The following ERCC5 variants were observed in gnomAD, a reference collection of about 807,000 sequenced individuals.
ERCC5 encodes ERCC excision repair 5, endonuclease.
In ERCC5, 68 loss-of-function variants were observed where a neutral mutation model predicts 105.6. The ratio of observed to expected loss-of-function variants is 0.64; its 90% confidence interval spans 0.53 to 0.79. The LOEUF is 0.79. Among genes scored for constraint, ERCC5 ranks in the 30% least tolerant of loss-of-function variants. The pLI, the probability that ERCC5 is intolerant of heterozygous loss-of-function variation, is 0.00. For synonymous variants in ERCC5, 546 were observed against 526.2 expected, an observed-to-expected ratio of 1.04 and a Z score of -0.51; for missense variants, 1,373 against 1,426.7, an observed-to-expected ratio of 0.96 and a Z score of 0.61.
rs1032114507 is a variant in ERCC5, at chr13:102,866,153, A to C, written c.2200-109A>C. ...TAGACATCCAGTGGAGTACTTCCTA[A>C]GGAGAAAGAGCTTATTGGTAATTTC... is the stretch of plus-strand genomic sequence containing the variant. On this transcript the variant is annotated intron_variant, in intron 9 of 14. Transcript: ENST00000652225. The C allele has an allele frequency of 4.7e-5, 72 of 1,541,836 alleles. 3 individuals are homozygous for C. The South Asian group carries it at 7.9e-4, about 17-fold the overall frequency.
intron 8 of ERCC5, among the ~76,000 whole-genome samples, chr13:102,864,126 C>CCACACACACACACA (rs10647676): frequency 0.018 from 2,485 of 140,914 alleles, 50 homozygotes; most frequent in East Asian, 0.047. Context: ...AGAGAATCAA[C>CCACACACACACACA]CACACACACA....
At position 102,873,319 on chromosome 13, in the gene ERCC5, A is replaced by G. The variant is rs755540602; in HGVS notation, c.2940A>G (p.Val980=). The G allele has an allele frequency of 6.2e-7, 1 of 1,614,132 alleles. No homozygotes were observed. The highest frequency in any genetic ancestry group is 1.1e-5 in the South Asian group (1 of 91,080). ...RTKTDESLFP[V]LKQLDAQQTQ... ...AGACAGATGAATCTCTGTTTCCTGT[A>G]TTAAAGCAACTCGATGCCCAGCAGG... Residue 980 remains valine, a synonymous_variant, in exon 14 of 15, where the codon GTA becomes GTG. Transcript: ENST00000652225.
Position 102,872,319 on chromosome 13 carries a change from G to T in ERCC5, c.2800G>T (p.Glu934Ter), listed in dbSNP as rs201274165. Residue 934 changes from glutamate (E) to a stop codon, truncating the protein, a stop_gained, in exon 13 of 15, where the codon GAG (glutamate) becomes TAG (stop). Transcript: ENST00000652225. LOFTEE classifies it high-confidence loss of function. ...TGGCTTTCCTAACCCAGCTGTTGCC[G>T]AGGCCTACCTCAAACCCGTGGTGGA... ...TPGFPNPAVAEAYLKPVVDDS... is the reference protein window; with the variant it reads ...TPGFPNPAVA 6.2e-7 allele frequency: 1 copy of T among 1,613,984 alleles called. No homozygotes were observed. Among genetic ancestry groups the T allele is most frequent in the East Asian group, 2.2e-5 (1 of 44,880 alleles).
At chr13:102,854,990 CT>C (rs1882357360) in intron 4 of ERCC5, among the ~76,000 whole-genome samples, 1 of 152,190 alleles carries the variant, frequency 6.6e-6, no homozygotes, top group Non-Finnish European at 1.5e-5. Flanking sequence ...CCACCTCTTC[CT>C]TTCCCAGGAG....
At chr13:102,869,788 CT>C (rs1398105362) in intron 12 of ERCC5, among the ~76,000 whole-genome samples, 1 of 152,200 alleles carries the variant, frequency 6.6e-6, no homozygotes, top group Non-Finnish European at 1.5e-5. Flanking sequence ...TAGTATCTGA[CT>C]TTTCCATTTG....
Position 102,862,216 on chromosome 13 carries a change from G to T in ERCC5, c.1067G>T (p.Ser356Ile). ...LAMQAALLGS[S>I]SEEELESENR... is the part of the protein sequence containing the mutation. ...ATGCAAGCTGCCCTGCTGGGAAGTAGCTCAGAAGAGGAGCTGGAGAGTGAA... is the reference window on the plus strand; with the variant it reads ...ATGCAAGCTGCCCTGCTGGGAAGTATCTCAGAAGAGGAGCTGGAGAGTGAA... Residue 356 changes from serine to isoleucine, a missense_variant, in exon 8 of 15, where the codon AGC (serine) becomes ATC (isoleucine). Around this residue, in one of 3 missense-constraint regions of ERCC5, gnomAD observed 1,004 missense variants for 1,059.7 expected, o/e 0.95. Coordinates refer to ENST00000652225, the MANE Select transcript of ERCC5 (RefSeq NM_000123.4). The T allele has an allele frequency of 6.2e-7, 1 of 1,614,174 alleles. No homozygotes were observed. The highest frequency in any genetic ancestry group is 8.5e-7 in the Non-Finnish European group (1 of 1,180,038).
chr13:102,858,806 G>A (rs1882518839), intron 6 of ERCC5: 4 of 434,206 alleles, frequency 9.2e-6, no homozygotes, highest in African/African-American at 4.0e-5. Flanking sequence ...TCTTAGGTTA[G>A]GTCATAAAAG....
At chr13:102,849,076 T>G (rs557966572) in intron 1 of ERCC5, 1 of 501,124 alleles carries the variant, frequency 2.0e-6, no homozygotes, top group Non-Finnish European at 4.0e-6. Flanking sequence ...AAGTAGAAAC[T>G]AATTTAATCC....
intron 12 of ERCC5, among the ~76,000 whole-genome samples, chr13:102,871,291 C>G (rs1883025086): frequency 6.6e-6 from 1 of 152,180 alleles, no homozygotes; most frequent in South Asian, 2.1e-4. Context: ...TCAGCCATGG[C>G]CGCCCTGCTC....
intron 5 of ERCC5, 90 bp from the exon 6 acceptor site, chr13:102,858,185 A>G (rs1882493863): frequency 1.3e-6 from 2 of 1,558,616 alleles, no homozygotes; most frequent in Non-Finnish European, 1.8e-6. Flanking sequence ...AACTGTGTTT[A>G]TTATATAAAC....
chr13:102,856,206 G>A (rs2140521197), intron 5 of ERCC5, 94 bp downstream of exon 5: 3 of 1,345,932 alleles, frequency 2.2e-6, no homozygotes, highest in Non-Finnish European at 3.2e-6. Context: ...AACTGTGAAA[G>A]TTCCTGATAA....
Position 102,862,609 on chromosome 13 carries a change from C to T in ERCC5, c.1460C>T (p.Pro487Leu), listed in dbSNP as rs560626350. The T allele has an allele frequency of 3.7e-5, 59 of 1,614,030 alleles. No individual in the cohort carries two copies. The highest frequency in any genetic ancestry group is 1.6e-4 in the East Asian group (7 of 44,870). Residue 487 changes from proline (P) to leucine (L), a missense_variant, in exon 8 of 15, where the codon CCG (proline) becomes CTG (leucine). By Grantham distance (98) the Pro-to-Leu change is moderately conservative (BLOSUM62 -3). Transcript: ENST00000652225. ...GTTCACGTGGGGACTGAAGCCTTTC[C>T]GATAAGTGATGAGTCTATGATTAAG... ...SLVHVGTEAF[P>L]ISDESMIKDR...
chr13:102,846,468 C>T (rs1291902177), intron 1 of ERCC5, 114 bp downstream of exon 1: 3 of 910,584 alleles, frequency 3.3e-6, no homozygotes, highest in East Asian at 2.6e-5. Context: ...GGGTCGGGGT[C>T]GGGGTCGCTA....
intron 14 of ERCC5, 102 bp downstream of exon 14, chr13:102,873,445 C>G: frequency 7.7e-7 from 1 of 1,298,866 alleles, no homozygotes; most frequent in Non-Finnish European, 1.1e-6. Context: ...ATAGAGCAGA[C>G]ATTTTGAAAT....
At chr13:102,871,201 T>C (rs1248011360) in intron 12 of ERCC5, among the ~76,000 whole-genome samples, 1 of 152,156 alleles carries the variant, frequency 6.6e-6, no homozygotes, top group Non-Finnish European at 1.5e-5. Flanking sequence ...CATAGCATGT[T>C]GGAGCCAAGA....
At chr13:102,871,809 A>G (rs990041886) in intron 12 of ERCC5, among the ~76,000 whole-genome samples, 5 of 152,214 alleles carry the variant, frequency 3.3e-5, no homozygotes, top group Admixed American at 2.6e-4. Context: ...AAAGAGACCC[A>G]GAGAAGTTGT....
intron 2 of ERCC5, among the ~76,000 whole-genome samples, chr13:102,853,551 C>T (rs1882282303): frequency 6.6e-6 from 1 of 152,116 alleles, no homozygotes. Flanking sequence ...TGTGTAGTAG[C>T]CCATTAAGTA....
chr13:102,846,141 A>G lies in ERCC5; in HGVS notation c.-126A>G, dbSNP rs754840043. The G allele has an allele frequency of 1.4e-4, 106 of 733,410 alleles. No individual in the cohort carries two copies. The highest frequency in any genetic ancestry group is 1.8e-4 in the South Asian group (11 of 60,182). 45.4% of individuals were successfully genotyped at this position (733,410 alleles called of 1,614,324 possible). The stretch of plus-strand genomic sequence containing the variant: ...ACTGGAAAACCGTGGCTTCTGTATT[A>G]TTTGCCATCTTTGTTGTGTAGGAGC... On this transcript the variant is annotated 5_prime_UTR_variant, in exon 1 of 15. Coordinates refer to ENST00000652225, the MANE Select transcript of ERCC5 (RefSeq NM_000123.4).
intron 1 of ERCC5, among the ~76,000 whole-genome samples, chr13:102,847,556 CAT>C (rs1882024014): frequency 1.3e-5 from 2 of 152,242 alleles, no homozygotes; most frequent in South Asian, 4.1e-4. Flanking sequence ...AGTTTTAAAA[CAT>C]AATGAGATTA....
Sources: gnomAD v4.1 joint callset for allele counts (sites outside exome capture counted in the v4.1 genomes callset) on GRCh38, gnomAD v4.1.1 for gene constraint, gnomAD v4.1.1 regional missense constraint, MANE v1.5 for transcripts, NCBI Gene and HGNC (gene_info 2026-07-23, HGNC 2026-07-21) for gene names.